Variants in SFMBT2 observed in about 807,000 individuals in gnomAD.
The protein encoded by SFMBT2 is scm-like with four MBT domains protein 2.
In SFMBT2, 38 loss-of-function variants were observed where a neutral mutation model predicts 110.1. The ratio of observed to expected loss-of-function variants is 0.35; its 90% CI spans 0.27 to 0.45. The LOEUF (loss-of-function observed/expected upper bound fraction) is 0.45. Among genes scored for constraint, SFMBT2 ranks in the 20% least tolerant of loss-of-function variants. The pLI is 1.00. For synonymous variants in SFMBT2, 425 were observed against 425.4 expected (o/e 1.00, Z 0.01); for missense variants, 1,011 against 1,094.9 (o/e 0.92, Z 1.08).
chr10:7,238,073 A>C (rs1366748854), intron 9 of SFMBT2, among the ~76,000 whole-genome samples: 1 of 152,166 alleles, frequency 6.6e-6, no homozygotes, highest in African/African-American at 2.4e-5. Flanking sequence ...CACAGTCTTG[A>C]CTTGGACACA....
chr10:7,386,404 T>C (rs1054892926), intron 1 of SFMBT2, among the ~76,000 whole-genome samples: 3 of 152,032 alleles, frequency 2.0e-5, no homozygotes, highest in African/African-American at 7.2e-5. Flanking sequence ...AGGCCAGGTG[T>C]TTGAGACCAG....
intron 7 of SFMBT2, among the ~76,000 whole-genome samples, chr10:7,262,755 AT>A (rs1285276664): frequency 6.6e-6 from 1 of 152,104 alleles, no homozygotes; most frequent in Non-Finnish European, 1.5e-5. Flanking sequence ...TTATAGTTAC[AT>A]TTATTGTTTG....
chr10:7,398,294 A>T (rs539372103), intron 1 of SFMBT2, among the ~76,000 whole-genome samples: 1 of 152,374 alleles, frequency 6.6e-6, no homozygotes, highest in East Asian at 1.9e-4. Flanking sequence ...TAAGGTGAAC[A>T]AATCAGTTGT....
At chr10:7,238,172 C>A (rs1022562422) in intron 9 of SFMBT2, among the ~76,000 whole-genome samples, 1 of 152,082 alleles carries the variant, frequency 6.6e-6, no homozygotes, top group African/African-American at 2.4e-5. Context: ...TGTTGAGAGA[C>A]CCCTGAGTTA....
intron 4 of SFMBT2, among the ~76,000 whole-genome samples, chr10:7,313,813 T>G (rs1392195161): frequency 6.6e-6 from 1 of 152,178 alleles, no homozygotes; most frequent in Non-Finnish European, 1.5e-5. Flanking sequence ...GAAACCAACA[T>G]GTCTCAGAAC....
chr10:7,397,417 T>C (rs996614282), intron 1 of SFMBT2, among the ~76,000 whole-genome samples: 2 of 151,418 alleles, frequency 1.3e-5, no homozygotes, highest in African/African-American at 4.9e-5. Context: ...ATTCTCCCAA[T>C]CAAAATAAAA....
intron 1 of SFMBT2, among the ~76,000 whole-genome samples, chr10:7,382,633 T>A (rs1020992932): frequency 6.6e-6 from 1 of 150,478 alleles, no homozygotes; most frequent in Admixed American, 6.6e-5. Context: ...AGCAGCAACC[T>A]CCACCCCCCA....
At chr10:7,372,019 C>T (rs1845077736) in intron 2 of SFMBT2, among the ~76,000 whole-genome samples, 2 of 151,380 alleles carry the variant, frequency 1.3e-5, no homozygotes, top group South Asian at 2.1e-4. Flanking sequence ...CTCCACCCCC[C>T]AGGTTCAAGT....
intron 6 of SFMBT2, among the ~76,000 whole-genome samples, chr10:7,282,500 C>A (rs1841973812): frequency 6.6e-6 from 1 of 152,202 alleles, no homozygotes; most frequent in Non-Finnish European, 1.5e-5. Context: ...AATCCCAGGG[C>A]AAACCCGGGC....
In SFMBT2 at chr10:7,193,276, C is replaced by T. The variant is rs185720238; in HGVS notation, c.1698+4272G>A. On this transcript the variant is annotated intron_variant, in intron 15 of 20. Transcript: ENST00000397167. Reference sequence around the variant, plus strand: ...CCCTGAAGCTCATGCGGAAAACCCACAAAGGGGTGCCCACAGATGGCCCAC... The same window carrying T: ...CCCTGAAGCTCATGCGGAAAACCCATAAAGGGGTGCCCACAGATGGCCCAC... Among the ~76,000 whole-genome samples, 500 of 152,320 alleles carry T rather than the reference C, an allele frequency of 3.3e-3. 4 individuals are homozygous for T. The highest frequency in any genetic ancestry group is 0.012 in the African/African-American group (481 of 41,558).
At chr10:7,285,737 C>T (rs1431714418) in intron 5 of SFMBT2, 129 bp downstream of exon 5, 2 of 671,970 alleles carry the variant, frequency 3.0e-6, no homozygotes, top group Non-Finnish European at 5.6e-6. Flanking sequence ...GGAAGGGAGG[C>T]TATTTGGATG....
intron 4 of SFMBT2, among the ~76,000 whole-genome samples, chr10:7,355,941 A>T (rs1844494542): frequency 6.6e-6 from 1 of 152,258 alleles, no homozygotes; most frequent in Non-Finnish European, 1.5e-5. Context: ...TCTGTAAAAA[A>T]TTTATTATAT....
At chr10:7,375,805 C>T (rs10905156) in intron 2 of SFMBT2, among the ~76,000 whole-genome samples, 117,022 of 147,620 alleles carry the variant, frequency 0.79, 46,632 homozygotes, top group East Asian at 0.99. Context: ...ACACACAAAT[C>T]ACCTAGCCAG....
intron 4 of SFMBT2, among the ~76,000 whole-genome samples, chr10:7,353,727 C>T (rs1208633715): frequency 1.3e-5 from 2 of 152,144 alleles, no homozygotes; most frequent in African/African-American, 2.4e-5. Context: ...TGGAATAAAA[C>T]TCCTATATTA....
chr10:7,259,929 C>T (rs999322699), intron 7 of SFMBT2, among the ~76,000 whole-genome samples: 4 of 152,350 alleles, frequency 2.6e-5, no homozygotes, highest in African/African-American at 9.6e-5. Context: ...CACTGCAGAC[C>T]TGGTGCTGCT....
At chr10:7,192,382 T>C (rs1838627428) in intron 15 of SFMBT2, among the ~76,000 whole-genome samples, 2 of 152,140 alleles carry the variant, frequency 1.3e-5, no homozygotes, top group Admixed American at 6.5e-5. Context: ...CCGATAAACT[T>C]ACGACTGCTT....
At chr10:7,338,808 TC>T (rs1843800051) in intron 4 of SFMBT2, among the ~76,000 whole-genome samples, 1 of 152,198 alleles carries the variant, frequency 6.6e-6, no homozygotes, top group Non-Finnish European at 1.5e-5. Context: ...GGACACATCC[TC>T]CCTAAGTCAG....
intron 16 of SFMBT2, among the ~76,000 whole-genome samples, chr10:7,185,743 C>G (rs943337686): frequency 6.6e-6 from 1 of 152,154 alleles, no homozygotes; most frequent in Non-Finnish European, 1.5e-5. Context: ...AGAGTTAAGA[C>G]AGTCTTTTTA....
intron 1 of SFMBT2, among the ~76,000 whole-genome samples, chr10:7,392,550 T>A (rs556969687): frequency 6.6e-6 from 1 of 152,300 alleles, no homozygotes; most frequent in South Asian, 2.1e-4. Context: ...CCACTGTAAT[T>A]TGTAATTCAC....
Sources: gnomAD v4.1 joint callset for allele counts (sites outside exome capture counted in the v4.1 genomes callset) on GRCh38, gnomAD v4.1.1 for gene constraint, MANE v1.5 for transcripts, NCBI Gene and HGNC (gene_info 2026-07-23, HGNC 2026-07-21) for gene names.